Variants in SOX5 observed in about 807,000 individuals in gnomAD.
SOX5 encodes the protein SRY-box transcription factor 5, also known as transcription factor SOX-5.
In SOX5, 9 loss-of-function variants were observed where a neutral mutation model predicts 92.0. The observed-to-expected ratio is 0.10, with a 90% confidence interval of 0.06 to 0.17. SOX5 has a LOEUF of 0.17. SOX5 is among the 10% of genes least tolerant of loss of function. SOX5 has a pLI of 1.00. For synonymous variants in SOX5, 344 were observed against 336.3 expected, an observed-to-expected ratio of 1.02 and a Z score of -0.25; for missense variants, 642 against 944.5, an observed-to-expected ratio of 0.68 and a Z score of 4.20.
Position 24,245,235 on chromosome 12 carries a change from TTGTGTGTGTGTGTGTGTGTGTGTGTG to T in SOX5, c.-76-31844_-76-31819del, listed in dbSNP as rs58384963. ...GAGCATCATTTGTGTTTGGAGAGATTTGTGTGTGTGTGTGTGTGTGTGTGTGTGTGTGTGTGTGTGCCTTCTACTTA... is the reference window on the plus strand; with the variant it reads ...GAGCATCATTTGTGTTTGGAGAGATTTGTGTGTGTGTGTGCCTTCTACTTA... On this transcript the variant is annotated intron_variant, in intron 3 of 4. Transcript: ENST00000446891. Among the ~76,000 whole-genome samples, 110 of 144,366 alleles carry T rather than the reference TTGTGTGTGTGTGTGTGTGTGTGTGTG, an allele frequency of 7.6e-4. 1 individual carries two copies. The South Asian group carries it at 0.024, about 31-fold the overall frequency. The allele number at this position is 144,366 out of a possible 152,430, so 94.7% of individuals were successfully genotyped here.
At chr12:23,759,224 T>G (rs2094499616) in intron 3 of SOX5, among the ~76,000 whole-genome samples, 1 of 152,052 alleles carries the variant, frequency 6.6e-6, no homozygotes, top group African/African-American at 2.4e-5. Context: ...TTTTTACAGT[T>G]TTTGTTTTCA....
intron 2 of SOX5, among the ~76,000 whole-genome samples, chr12:24,314,791 G>A (rs1447482546): frequency 6.6e-6 from 1 of 152,128 alleles, no homozygotes; most frequent in Non-Finnish European, 1.5e-5. Flanking sequence ...GTTTTACTCT[G>A]TCCACTACCT....
intron 6 of SOX5, among the ~76,000 whole-genome samples, chr12:23,690,092 C>T (rs902529428): frequency 6.6e-6 from 1 of 152,144 alleles, no homozygotes; most frequent in Admixed American, 6.6e-5. Context: ...TCACTAATTC[C>T]TATTCAACAT....
intron 1 of SOX5, among the ~76,000 whole-genome samples, chr12:24,484,332 C>T (rs1408616330): frequency 6.6e-6 from 1 of 152,156 alleles, no homozygotes; most frequent in Non-Finnish European, 1.5e-5. Flanking sequence ...TTCTTGAGGG[C>T]AAGGACTGCA....
At chr12:24,368,698 A>C (rs1288185051) in intron 1 of SOX5, 2 of 152,194 alleles carry the variant, frequency 1.3e-5, no homozygotes, top group Non-Finnish European at 2.9e-5. Context: ...TACAGTGCTG[A>C]TTGGATTCCA....
At chr12:24,451,158 G>A (rs1013363954) in intron 1 of SOX5, among the ~76,000 whole-genome samples, 2 of 152,180 alleles carry the variant, frequency 1.3e-5, no homozygotes, top group Admixed American at 1.3e-4. Flanking sequence ...GTACTCCACT[G>A]TGTATAAGTA....
intron 1 of SOX5, among the ~76,000 whole-genome samples, chr12:24,519,487 G>C (rs987954778): frequency 6.6e-6 from 1 of 150,654 alleles, no homozygotes; most frequent in South Asian, 2.1e-4. Context: ...ATAGATTTGA[G>C]AAAAAAAAAC....
chr12:23,829,266 G>C (rs144680111), intron 3 of SOX5, among the ~76,000 whole-genome samples: 33 of 152,288 alleles, frequency 2.2e-4, no homozygotes, highest in African/African-American at 7.9e-4. Context: ...GTCCTGACAA[G>C]TGCCTCAAGG....
chr12:24,560,394 T>C (rs548588945), intron 1 of SOX5, among the ~76,000 whole-genome samples: 30 of 152,372 alleles, frequency 2.0e-4, no homozygotes, highest in African/African-American at 7.2e-4. Flanking sequence ...TTATGATTTT[T>C]ATCTTGTATA....
chr12:23,860,952 TAAA>T (rs71059935), intron 2 of SOX5, among the ~76,000 whole-genome samples: 463 of 45,946 alleles, frequency 0.01, 3 homozygotes, highest in African/African-American at 0.036. Context: ...GTATATTTTG[TAAA>T]AAAAAAAAAA....
At chr12:24,559,671 A>G (rs1417363776) in intron 1 of SOX5, among the ~76,000 whole-genome samples, 2 of 152,150 alleles carry the variant, frequency 1.3e-5, no homozygotes, top group Non-Finnish European at 2.9e-5. Context: ...AATTCTCCTT[A>G]TCACTCATAA....
chr12:23,681,455 C>T (rs1479439439), intron 6 of SOX5, among the ~76,000 whole-genome samples: 2 of 151,404 alleles, frequency 1.3e-5, no homozygotes, highest in Admixed American at 1.3e-4. Context: ...AAAACAGAGA[C>T]CAAGAGATTG....
In SOX5 at chr12:24,116,564, G is replaced by A. The variant is rs114837639; in HGVS notation, c.-2+96779C>T. Among the ~76,000 whole-genome samples, 625 of 152,052 alleles carry A rather than the reference G, an allele frequency of 4.1e-3. 5 individuals carry two copies. The highest frequency in any genetic ancestry group is 0.014 in the African/African-American group (591 of 41,506). ...GTCACAGTACTGCTGATGTTATTGT[G>A]GATTATTGCCTATGCTAGCTTTCAA... On this transcript the variant is annotated intron_variant, in intron 4 of 4. Transcript: ENST00000446891.
intron 3 of SOX5, among the ~76,000 whole-genome samples, chr12:23,818,350 G>T (rs903677398): frequency 3.3e-5 from 5 of 152,150 alleles, no homozygotes; most frequent in Admixed American, 6.6e-5. Context: ...TAACACGACT[G>T]TAAGTATTTG....
intron 1 of SOX5, among the ~76,000 whole-genome samples, chr12:23,907,746 C>CAAAAA (rs11359160): frequency 7.0e-6 from 1 of 142,854 alleles, no homozygotes; most frequent in Non-Finnish European, 1.5e-5. Flanking sequence ...GGTGCATAAG[C>CAAAAA]AAAAAAAAAA....
At chr12:23,793,424 C>A (rs2095510702) in intron 3 of SOX5, among the ~76,000 whole-genome samples, 1 of 152,042 alleles carries the variant, frequency 6.6e-6, no homozygotes, top group Admixed American at 6.6e-5. Context: ...CCAGAAGGTA[C>A]AATATGTATT....
intron 8 of SOX5, among the ~76,000 whole-genome samples, chr12:23,622,551 C>T (rs1277548399): frequency 1.3e-5 from 2 of 151,832 alleles, no homozygotes; most frequent in Non-Finnish European, 2.9e-5. Flanking sequence ...GAAGAAAAAT[C>T]CATCAGATGT....
At chr12:23,804,728 C>A (rs1276676561) in intron 3 of SOX5, among the ~76,000 whole-genome samples, 1 of 151,658 alleles carries the variant, frequency 6.6e-6, no homozygotes, top group Non-Finnish European at 1.5e-5. Flanking sequence ...CTGGTGTCCT[C>A]CCCTGATGGA....
In SOX5 at chr12:23,696,209, T is replaced by C. The variant is rs1007905890; in HGVS notation, c.811-30645A>G. On this transcript the variant is annotated intron_variant, in intron 6 of 14. Transcript: ENST00000451604. ...AAGTTTGTATAAAATTGGCATTTTT[T>C]TTTCTTAAATATTTTTACAATTCAC... 5.9e-5 allele frequency among the ~76,000 whole-genome samples: 9 copies of C among 152,042 alleles called. 1 individual carries two copies. Among genetic ancestry groups the C allele is most frequent in the Admixed American group, 5.9e-4 (9 of 15,264 alleles).
Sources: gnomAD v4.1 joint callset for allele counts (sites outside exome capture counted in the v4.1 genomes callset) on GRCh38, gnomAD v4.1.1 for gene constraint, MANE v1.5 for transcripts, NCBI Gene and HGNC (gene_info 2026-07-23, HGNC 2026-07-21) for gene names.